The following ENPP6 variants were observed in gnomAD, a reference collection of about 807,000 sequenced individuals.
The protein encoded by ENPP6 is ectonucleotide pyrophosphatase/phosphodiesterase 6.
Under a neutral mutation model 42.0 loss-of-function variants are expected in ENPP6, and 32 were observed. That is an observed-to-expected ratio of 0.76 (90% CI 0.58 to 1.02). The LOEUF (loss-of-function observed/expected upper bound fraction) is 1.02. Ranked by LOEUF, ENPP6 falls within the 50% of genes least tolerant of loss-of-function variation. ENPP6 has a pLI of 0.00. For missense variants in ENPP6, 552 were observed against 566.8 expected (o/e 0.97, Z 0.27); for synonymous variants, 213 against 216.0 (o/e 0.99, Z 0.12).
chr4:184,202,790 G>A (rs959774167), intron 1 of ENPP6, among the ~76,000 whole-genome samples: 9 of 152,208 alleles, frequency 5.9e-5, no homozygotes, highest in African/African-American at 2.2e-4. Context: ...CAGACGTGGT[G>A]TGGAATTGCT....
At chr4:184,213,664 T>C (rs1319824483) in intron 1 of ENPP6, among the ~76,000 whole-genome samples, 3 of 149,452 alleles carry the variant, frequency 2.0e-5, no homozygotes, top group Middle Eastern at 3.3e-3. Flanking sequence ...AGTTCAACCA[T>C]TGTGGAAGTC....
chr4:184,178,616 C>A (rs1012892080), intron 1 of ENPP6, among the ~76,000 whole-genome samples: 3 of 152,158 alleles, frequency 2.0e-5, no homozygotes, highest in Admixed American at 6.5e-5. Flanking sequence ...GTGTTAAGGG[C>A]AGCTAGAGAG....
chr4:184,131,259 T>TTC (rs1553996065), intron 2 of ENPP6, among the ~76,000 whole-genome samples: 4,518 of 73,340 alleles, frequency 0.062, 340 homozygotes, highest in African/African-American at 0.087. Flanking sequence ...TTTCTCTTTC[T>TTC]CTTCCTTCCT....
intron 3 of ENPP6, among the ~76,000 whole-genome samples, chr4:184,119,767 G>A (rs1261001760): frequency 5.9e-5 from 9 of 152,124 alleles, no homozygotes; most frequent in African/African-American, 2.2e-4. Context: ...TCTCATGATC[G>A]TGAGTGAGTT....
At chr4:184,129,396 T>G (rs907985681) in intron 2 of ENPP6, among the ~76,000 whole-genome samples, 1 of 152,240 alleles carries the variant, frequency 6.6e-6, no homozygotes, top group East Asian at 1.9e-4. Flanking sequence ...CTGTTCTGTG[T>G]TTTTAAAAAA....
chr4:184,194,185 T>G (rs1300873370), intron 1 of ENPP6, among the ~76,000 whole-genome samples: 3 of 152,188 alleles, frequency 2.0e-5, no homozygotes, highest in Admixed American at 2.0e-4. Context: ...TCGCGGCTGC[T>G]AAGAAGTCAC....
intron 1 of ENPP6, among the ~76,000 whole-genome samples, chr4:184,200,260 C>T (rs1000604898): frequency 6.6e-6 from 1 of 152,178 alleles, no homozygotes; most frequent in Non-Finnish European, 1.5e-5. Context: ...GGTGAGGACC[C>T]CATTGACCAG....
chr4:184,118,486 C>T (rs1736363044), intron 3 of ENPP6, among the ~76,000 whole-genome samples: 1 of 152,204 alleles, frequency 6.6e-6, no homozygotes, highest in African/African-American at 2.4e-5. Context: ...TCCACATCAT[C>T]CATTATGTGT....
At chr4:184,109,142 C>CA (rs1466613372) in intron 6 of ENPP6, among the ~76,000 whole-genome samples, 1 of 152,008 alleles carries the variant, frequency 6.6e-6, no homozygotes, top group Non-Finnish European at 1.5e-5. Context: ...ACCTGGAAGG[C>CA]AGAGGTTGCA....
chr4:184,101,159 ATG>A (rs1184131996), intron 6 of ENPP6, among the ~76,000 whole-genome samples: 2 of 151,478 alleles, frequency 1.3e-5, no homozygotes, highest in Non-Finnish European at 2.9e-5. Flanking sequence ...GTGTGTGTGA[ATG>A]TGTGTGTGCA....
chr4:184,161,829 T>C (rs1410619941), intron 1 of ENPP6, among the ~76,000 whole-genome samples: 1 of 151,732 alleles, frequency 6.6e-6, no homozygotes, highest in Non-Finnish European at 1.5e-5. Flanking sequence ...GGAACTAATC[T>C]ATGAGGATGC....
chr4:184,187,670 C>T (rs1474623907), intron 1 of ENPP6, among the ~76,000 whole-genome samples: 4 of 152,090 alleles, frequency 2.6e-5, no homozygotes, highest in Non-Finnish European at 5.9e-5. Flanking sequence ...CTTGGTGCCT[C>T]GTCTAACTTT....
chr4:184,193,742 A>T (rs1228064146), intron 1 of ENPP6, among the ~76,000 whole-genome samples: 1 of 152,170 alleles, frequency 6.6e-6, no homozygotes, highest in African/African-American at 2.4e-5. Context: ...CATTCTCCAG[A>T]TTCCCAGCTA....
At chr4:184,214,487 G>A (rs576031331) in intron 1 of ENPP6, among the ~76,000 whole-genome samples, 6 of 152,224 alleles carry the variant, frequency 3.9e-5, no homozygotes, top group East Asian at 3.9e-4. Flanking sequence ...GGGAGTTTCC[G>A]CTATTTGCAT....
intron 1 of ENPP6, among the ~76,000 whole-genome samples, chr4:184,203,377 T>C (rs968079678): frequency 3.3e-5 from 5 of 152,224 alleles, no homozygotes; most frequent in Non-Finnish European, 7.3e-5. Flanking sequence ...CACTGGACCA[T>C]GCGTAATGGG....
intron 5 of ENPP6, among the ~76,000 whole-genome samples, chr4:184,114,128 G>A (rs959890740): frequency 6.6e-6 from 1 of 152,006 alleles, no homozygotes; most frequent in Non-Finnish European, 1.5e-5. Flanking sequence ...GCTACACCCA[G>A]CTAATTTTTG....
chr4:184,171,221 G>A (rs573435529), intron 1 of ENPP6, among the ~76,000 whole-genome samples: 1 of 152,244 alleles, frequency 6.6e-6, no homozygotes, highest in South Asian at 2.1e-4. Context: ...AGTTGATGCT[G>A]GCTGCTGGCT....
At chr4:184,213,284 C>T (rs946711129) in intron 1 of ENPP6, among the ~76,000 whole-genome samples, 2 of 151,490 alleles carry the variant, frequency 1.3e-5, no homozygotes, top group Non-Finnish European at 3.0e-5. Flanking sequence ...AAAGAAACTA[C>T]CATCAGAGTG....
In ENPP6 at chr4:184,091,235, G is replaced by A. The variant is rs373987048; in HGVS notation, c.1265C>T (p.Pro422Leu). The A allele has an allele frequency of 3.1e-5, 49 of 1,594,842 alleles. No homozygotes were observed. Among genetic ancestry groups the A allele is most frequent in the Admixed American group, 2.0e-4 (12 of 58,830 alleles). Residue 422 changes from proline to leucine, a missense_variant, in exon 8 of 8, where the codon CCG becomes CTG. Around this residue, in one of 2 missense-constraint regions of ENPP6, gnomAD observed 545 missense variants for 546.3 expected, o/e 1.00. Coordinates refer to ENST00000296741, the MANE Select transcript of ENPP6 (RefSeq NM_153343.4). ...CMLKGRASTA[P>L]PVWPSHCALA... ...GGCACAGTGGCTGGGCCAGACAGGC[G>A]GGGCAGTGCTGGCGCGGCCCTTCAG...
Sources: allele counts gnomAD v4.1 joint callset (sites outside exome capture counted in the v4.1 genomes callset), GRCh38; gene constraint gnomAD v4.1.1; regional missense constraint gnomAD v4.1.1; transcripts MANE v1.5; gene names NCBI Gene and HGNC (gene_info 2026-07-23, HGNC 2026-07-21).